YJEFN3: variants seen among roughly 807,000 people sequenced by gnomAD.
YJEFN3 encodes the protein yjeF N-terminal domain-containing protein 3.
A neutral mutation model predicts 31.5 loss-of-function variants in YJEFN3; 29 were observed. The ratio of observed to expected loss-of-function variants is 0.92; its 90% CI spans 0.69 to 1.26. YJEFN3 has a LOEUF of 1.26. YJEFN3 is among the 50% of genes most tolerant of loss of function. The pLI is 0.00. For synonymous variants in YJEFN3, 227 were observed against 196.1 expected (o/e 1.16, Z -1.32); for missense variants, 442 against 425.4 (o/e 1.04, Z -0.34).
At chr19:19,535,957 C>G (rs1039734931) in intron 6 of YJEFN3, 2 of 577,242 alleles carry the variant, frequency 3.5e-6, no homozygotes, top group Non-Finnish European at 6.1e-6. Flanking sequence ...GACGTGAGCT[C>G]ACTCGGCAAA....
At chr19:19,529,284 A>G in intron 1 of YJEFN3, 80 bp from the exon 2 acceptor site, 1 of 1,509,906 alleles carries the variant, frequency 6.6e-7, no homozygotes, top group Non-Finnish European at 8.8e-7. Context: ...CCCGCCCCTC[A>G]TGAATGATTC....
At chr19:19,532,982 A>G in intron 3 of YJEFN3, 1 of 1,285,052 alleles carries the variant, frequency 7.8e-7, no homozygotes, top group Middle Eastern at 2.9e-4. Flanking sequence ...CAGTGCCACG[A>G]CCCTGGAAGT....
At chr19:19,536,996 A>G (rs911686318) in intron 6 of YJEFN3, among the ~76,000 whole-genome samples, 1 of 152,158 alleles carries the variant, frequency 6.6e-6, no homozygotes, top group Non-Finnish European at 1.5e-5. Flanking sequence ...ATTGAATAGT[A>G]GGATAGGAGC....
At chr19:19,532,047 AAAT>A (rs139701466) in intron 2 of YJEFN3, among the ~76,000 whole-genome samples, 2,028 of 152,162 alleles carry the variant, frequency 0.013, 53 homozygotes, top group African/African-American at 0.046. Context: ...GCCTGGCCAC[AAAT>A]AATCTAATTA....
Position 19,532,760 on chromosome 19 carries a change from C to T in YJEFN3, c.318+20C>T. The T allele has an allele frequency of 2.0e-6, 3 of 1,520,664 alleles. No individual in the cohort carries two copies. Among genetic ancestry groups the T allele is most frequent in the Non-Finnish European group, 2.7e-6 (3 of 1,128,614 alleles). The allele number at this position is 1,520,664 out of a possible 1,614,324, so 94.2% of individuals were successfully genotyped here. A position where few individuals can be genotyped will look rare whatever the true frequency, so the allele number is the denominator to read the frequency against. ...ACCAAGGTACCTGACCCCTGACCCC[C>T]AACCCTGACCCCAACCAGACGGCCA... On this transcript the variant is annotated intron_variant, in intron 3 of 6. Coordinates refer to ENST00000514277, the MANE Select transcript of YJEFN3 (RefSeq NM_198537.4).
intron 6 of YJEFN3, 107 bp from the exon 7 acceptor site, chr19:19,537,212 G>T: frequency 9.5e-7 from 1 of 1,049,880 alleles, no homozygotes; most frequent in Non-Finnish European, 1.3e-6. Flanking sequence ...TGAGGGCAGA[G>T]GCTCAGTGTT....
At chr19:19,531,718 CTT>C (rs56747140) in intron 2 of YJEFN3, among the ~76,000 whole-genome samples, 10 of 75,860 alleles carry the variant, frequency 1.3e-4, no homozygotes, top group South Asian at 4.9e-4. Flanking sequence ...AACAAATAAC[CTT>C]TTTTTTTTTT....
intron 3 of YJEFN3, chr19:19,532,980 C>T (rs550842447): frequency 3.6e-5 from 46 of 1,293,318 alleles, no homozygotes; most frequent in East Asian, 1.3e-4. Context: ...GACAGTGCCA[C>T]GACCCTGGAA....
chr19:19,530,831 C>T (rs977632043), intron 2 of YJEFN3, among the ~76,000 whole-genome samples: 15 of 152,252 alleles, frequency 9.9e-5, no homozygotes, highest in African/African-American at 2.9e-4. Flanking sequence ...CTGGGGTGTC[C>T]CAGGGCATGT....
rs970267051 is a variant in YJEFN3, at chr19:19,535,432, G to A, written c.525G>A (p.Leu175=). Residue 175 remains leucine, a synonymous_variant, in exon 5 of 7, where the codon CTG becomes CTA. Coordinates refer to ENST00000514277, the MANE Select transcript of YJEFN3 (RefSeq NM_198537.4). Reference sequence around the variant, plus strand: ...GCGAGAAGATGGACATCCCCTTCCTGAGCTACCTGCCCACTGAGGTCAGCG... The same window carrying A: ...GCGAGAAGATGGACATCCCCTTCCTAAGCTACCTGCCCACTGAGGTCAGCG... ...TQCEKMDIPF[L]SYLPTEVQLI... is the part of the protein sequence containing the mutation. 5 of 1,613,862 alleles carry A rather than the reference G, an allele frequency of 3.1e-6. No homozygotes were observed. In the African/African-American group the frequency reaches 6.7e-5, roughly 22 times the overall value.
rs1052618119 is a variant in YJEFN3 at position 19,532,825 on chromosome 19, CA to C, written c.318+86del. Reference sequence around the variant, plus strand: ...CATGACTGCTGTGACCAGGGTGGTTCACCCCTCAAGAACTCCCTTTTTGCTT... The same window carrying C: ...CATGACTGCTGTGACCAGGGTGGTTCCCCCTCAAGAACTCCCTTTTTGCTT... On this transcript the variant is annotated intron_variant, in intron 3 of 6. Coordinates refer to ENST00000514277, the MANE Select transcript of YJEFN3 (RefSeq NM_198537.4). 3.2e-6 allele frequency: 4 copies of C among 1,238,336 alleles called. No individual in the cohort carries two copies. In the African/African-American group the frequency reaches 4.5e-5, roughly 14 times the overall value. The allele number at this position is 1,238,336 out of a possible 1,614,324, so 76.7% of individuals were successfully genotyped here. A position where few individuals can be genotyped will look rare whatever the true frequency, so the allele number is the denominator to read the frequency against.
intron 2 of YJEFN3, 26 bp downstream of exon 2, chr19:19,529,539 G>A (rs779978675): frequency 6.2e-7 from 1 of 1,606,594 alleles, no homozygotes; most frequent in Middle Eastern, 1.7e-4. Flanking sequence ...ATCTAGAACT[G>A]GCGCCGTGGC....
rs372906655 is a variant in YJEFN3, at chr19:19,535,131, A to C, written c.416A>C (p.His139Pro). 1 of 1,605,820 alleles carries C rather than the reference A, an allele frequency of 6.2e-7. No individual in the cohort carries two copies. Among genetic ancestry groups the C allele is most frequent in the African/African-American group, 1.3e-5 (1 of 74,674 alleles). Residue 139 changes from histidine to proline, a missense_variant, in exon 4 of 7, where the codon CAC (histidine) becomes CCC (proline). Physicochemically the swap from His to Pro is moderately conservative, Grantham distance 77. Transcript: ENST00000514277. ...NGAVGLVCARHLRVFEYEPTI... is the reference protein window; with the variant it reads ...NGAVGLVCARPLRVFEYEPTI... ...GCAGTGGGGCTGGTCTGTGCCCGGC[A>C]CCTGCGGGTGTTTGTAAGTAGCAAG...
Position 19,528,940 on chromosome 19 carries a change from G to GCGCAGC in YJEFN3, c.11_16dup (p.Ala4_Ala5dup). On this transcript the variant is annotated inframe_insertion, in exon 1 of 7. Coordinates refer to ENST00000514277, the MANE Select transcript of YJEFN3 (RefSeq NM_198537.4). ...CCCGGGCTCACCTCGGCCATGAGCA[G>GCGCAGC]CGCAGCCGGCCCAGACCCGTCGGAG... 1 of 1,548,912 alleles carries GCGCAGC rather than the reference G, an allele frequency of 6.5e-7. No individual in the cohort carries two copies. The highest frequency in any genetic ancestry group is 8.7e-7 in the Non-Finnish European group (1 of 1,146,336).
At chr19:19,531,350 G>A (rs1331143956) in intron 2 of YJEFN3, among the ~76,000 whole-genome samples, 2 of 152,222 alleles carry the variant, frequency 1.3e-5, no homozygotes, top group Admixed American at 1.3e-4. Context: ...AAGCCACTCG[G>A]CTTCTCTGAA....
chr19:19,532,790 T>G, intron 3 of YJEFN3, 50 bp downstream of exon 3: 1 of 1,416,736 alleles, frequency 7.1e-7, no homozygotes, highest in Non-Finnish European at 9.6e-7. Flanking sequence ...CGGCCAACTC[T>G]CCTGAGCTGC....
rs769383447 is a variant in YJEFN3 at position 19,535,082 on chromosome 19, G to C, written c.367G>C (p.Val123Leu). 3 of 1,611,872 alleles carry C rather than the reference G, an allele frequency of 1.9e-6. No individual in the cohort carries two copies. The highest frequency in any genetic ancestry group is 2.5e-6 in the Non-Finnish European group (3 of 1,178,994). ...LSRKQRTVLV[V>L]CGPEQNGAVG... Reference sequence around the variant, plus strand: ...CCGGAAGCAGAGGACGGTGCTGGTCGTGTGTGGCCCGGAGCAGAACGGGGC... The same window carrying C: ...CCGGAAGCAGAGGACGGTGCTGGTCCTGTGTGGCCCGGAGCAGAACGGGGC... Residue 123 changes from valine (V) to leucine (L), a missense_variant, in exon 4 of 7, where the codon GTG (valine) becomes CTG (leucine). By Grantham distance (32) the Val-to-Leu change is conservative. Transcript: ENST00000514277.
rs2061171192 is a variant in YJEFN3, at chr19:19,532,759, C to G, written c.318+19C>G. On this transcript the variant is annotated intron_variant, in intron 3 of 6. Coordinates refer to ENST00000514277, the MANE Select transcript of YJEFN3 (RefSeq NM_198537.4). ...GACCAAGGTACCTGACCCCTGACCCCCAACCCTGACCCCAACCAGACGGCC... is the reference window on the plus strand; with the variant it reads ...GACCAAGGTACCTGACCCCTGACCCGCAACCCTGACCCCAACCAGACGGCC... 1 of 1,521,176 alleles carries G rather than the reference C, an allele frequency of 6.6e-7. No individual in the cohort carries two copies. The highest frequency in any genetic ancestry group is 8.9e-7 in the Non-Finnish European group (1 of 1,129,302). The allele number at this position is 1,521,176 out of a possible 1,614,324, so 94.2% of individuals were successfully genotyped here. A position where few individuals can be genotyped will look rare whatever the true frequency, so the allele number is the denominator to read the frequency against.
At chr19:19,529,630 C>G in intron 2 of YJEFN3, 117 bp downstream of exon 2, 2 of 1,377,518 alleles carry the variant, frequency 1.5e-6, no homozygotes, top group South Asian at 2.8e-5. Context: ...GAACCAGATG[C>G]GTCCAACAGC....
Sources: allele counts gnomAD v4.1 joint callset (sites outside exome capture counted in the v4.1 genomes callset), GRCh38; gene constraint gnomAD v4.1.1; transcripts MANE v1.5; gene names NCBI Gene and HGNC (gene_info 2026-07-23, HGNC 2026-07-21).